Variants in SLAIN2 observed in about 807,000 individuals in gnomAD.
SLAIN2 encodes SLAIN family member 2.
SLAIN2 carries 31 observed loss-of-function variants against 56.6 expected under a neutral mutation model. The observed-to-expected ratio is 0.55, with a 90% confidence interval of 0.41 to 0.74. The LOEUF is 0.74. Among genes scored for constraint, SLAIN2 ranks in the 30% least tolerant of loss-of-function variants. The pLI is 0.00. For missense variants in SLAIN2, 777 were observed against 754.2 expected, an observed-to-expected ratio of 1.03 and a Z score of -0.35; for synonymous variants, 317 against 284.9, an observed-to-expected ratio of 1.11 and a Z score of -1.13.
In SLAIN2 at chr4:48,373,662, A is replaced by G. The variant is rs116361877; in HGVS notation, c.538+3665A>G. Among the ~76,000 whole-genome samples the G allele has an allele frequency of 3.1e-3, 476 of 152,264 alleles. 4 individuals are homozygous for G. Among genetic ancestry groups the G allele is most frequent in the African/African-American group, 0.011 (453 of 41,550 alleles). On this transcript the variant is annotated intron_variant, in intron 2 of 7. Coordinates refer to ENST00000264313, the MANE Select transcript of SLAIN2 (RefSeq NM_020846.2). ...ATATATATAATAAAGGAATAAAGGT[A>G]TAGTGCTTTGAGAAATAGGAATTTT...
Position 48,369,950 on chromosome 4 carries a change from A to G in SLAIN2, c.491A>G (p.Glu164Gly). 1 of 1,613,698 alleles carries G rather than the reference A, an allele frequency of 6.2e-7. No individual in the cohort carries two copies. The highest frequency in any genetic ancestry group is 8.5e-7 in the Non-Finnish European group (1 of 1,179,698). ...TTGGATTACCCAAGTCCTGATGTTG[A>G]GTGTGCTAAAAAATCTCTTATCCAC... ...QVLDYPSPDV[E>G]CAKKSLIHKL... The change falls in exon 2 of 8, where the codon GAG (glutamate) becomes GGG (glycine). Residue 164 changes from glutamate (E) to glycine (G), a missense_variant. By Grantham distance (98) the Glu-to-Gly change is moderately conservative. Coordinates refer to ENST00000264313, the MANE Select transcript of SLAIN2 (RefSeq NM_020846.2).
chr4:48,409,120 A>G (rs1052184451), intron 6 of SLAIN2, among the ~76,000 whole-genome samples: 5 of 152,136 alleles, frequency 3.3e-5, no homozygotes, highest in South Asian at 4.1e-4. Flanking sequence ...CAGGCAAGCA[A>G]TGTGAAATAA....
At position 48,382,735 on chromosome 4, in the gene SLAIN2, C is replaced by G; in HGVS notation, c.1030C>G (p.Pro344Ala). 3.7e-6 allele frequency: 6 copies of G among 1,613,732 alleles called. No homozygotes were observed. Among genetic ancestry groups the G allele is most frequent in the Non-Finnish European group, 5.1e-6 (6 of 1,179,850 alleles). The change falls in exon 5 of 8, where the codon CCA (proline) becomes GCA (alanine). Residue 344 changes from proline (P) to alanine (A), a missense_variant. Coordinates refer to ENST00000264313, the MANE Select transcript of SLAIN2 (RefSeq NM_020846.2). ...AVYPAVNRFS[P>A]SPRNSPRPSP... The stretch of plus-strand genomic sequence containing the variant: ...ATACCCTGCTGTTAACAGGTTTTCA[C>G]CATCACCACGCAATTCACCTCGACC...
rs182377063 is a variant in SLAIN2, at chr4:48,425,358, A to T, written c.*3281A>T. Reference sequence around the variant, plus strand: ...TAACTATGTATGGTATCTAGTTAGAAAAAAACAAGCAAAAAGCTATTATGA... The same window carrying T: ...TAACTATGTATGGTATCTAGTTAGATAAAAACAAGCAAAAAGCTATTATGA... On this transcript the variant is annotated 3_prime_UTR_variant, in exon 8 of 8. Coordinates refer to ENST00000264313, the MANE Select transcript of SLAIN2 (RefSeq NM_020846.2). The T allele has an allele frequency of 5.9e-5, 9 of 152,258 alleles. No homozygotes were observed. Among genetic ancestry groups the T allele is most frequent in the Middle Eastern group, 3.4e-3 (1 of 294 alleles). 9.4% of individuals were successfully genotyped at this position (152,258 alleles called of 1,614,324 possible).
intron 1 of SLAIN2, among the ~76,000 whole-genome samples, chr4:48,365,678 C>T (rs1311043239): frequency 6.6e-6 from 1 of 151,968 alleles, no homozygotes. Flanking sequence ...CTGCCTGCCT[C>T]AGTCTCCCGA....
chr4:48,357,465 T>A (rs1205828906), intron 1 of SLAIN2, among the ~76,000 whole-genome samples: 1 of 152,098 alleles, frequency 6.6e-6, no homozygotes, highest in Non-Finnish European at 1.5e-5. Flanking sequence ...CACTGCAGCC[T>A]TGAACTCCTG....
rs1036340352 is a variant in SLAIN2 at position 48,359,955 on chromosome 4, ACCAG to A, written c.390-9891_390-9888del. Among the ~76,000 whole-genome samples, 6 of 152,202 alleles carry A rather than the reference ACCAG, an allele frequency of 3.9e-5. 1 individual carries two copies. The highest frequency in any genetic ancestry group is 1.4e-4 in the African/African-American group (6 of 41,528). On this transcript the variant is annotated intron_variant, in intron 1 of 7. Coordinates refer to ENST00000264313, the MANE Select transcript of SLAIN2 (RefSeq NM_020846.2). ...TGGATCACGAGGTCAGGAGTTCGAG[ACCAG>A]CCTGACCAACGTGGTGAAACCCCGT... is the stretch of plus-strand genomic sequence containing the variant.
intron 6 of SLAIN2, among the ~76,000 whole-genome samples, chr4:48,411,726 T>C (rs1007178073): frequency 6.6e-6 from 1 of 152,192 alleles, no homozygotes; most frequent in Admixed American, 6.5e-5. Context: ...ACTCACTCAC[T>C]ATTGGAGTAT....
At chr4:48,407,634 T>G (rs1004446078) in intron 6 of SLAIN2, among the ~76,000 whole-genome samples, 1 of 152,220 alleles carries the variant, frequency 6.6e-6, no homozygotes, top group Non-Finnish European at 1.5e-5. Flanking sequence ...TTCTTAGCTC[T>G]CTCTCGTATT....
At chr4:48,348,223 G>A (rs1714921288) in intron 1 of SLAIN2, among the ~76,000 whole-genome samples, 1 of 152,104 alleles carries the variant, frequency 6.6e-6, no homozygotes, top group Admixed American at 6.5e-5. Context: ...TTTTTTAATA[G>A]AGCTGTTTTT....
intron 1 of SLAIN2, among the ~76,000 whole-genome samples, chr4:48,345,802 C>T (rs1027697205): frequency 2.0e-5 from 3 of 151,954 alleles, no homozygotes; most frequent in African/African-American, 4.8e-5. Context: ...GTAGGCATAT[C>T]TACTACGTCT....
intron 1 of SLAIN2, among the ~76,000 whole-genome samples, chr4:48,342,948 C>A (rs975928862): frequency 2.6e-5 from 4 of 151,866 alleles, no homozygotes; most frequent in African/African-American, 4.8e-5. Flanking sequence ...GAAATTGTGG[C>A]CCCCCCACCT....
chr4:48,361,944 A>G (rs1374423824), intron 1 of SLAIN2, among the ~76,000 whole-genome samples: 1 of 152,144 alleles, frequency 6.6e-6, no homozygotes, highest in Non-Finnish European at 1.5e-5. Context: ...TGAAATTGTT[A>G]TATCTATTTC....
chr4:48,397,926 T>G (rs2109774535), intron 6 of SLAIN2, among the ~76,000 whole-genome samples: 1 of 152,364 alleles, frequency 6.6e-6, no homozygotes, highest in Non-Finnish European at 1.5e-5. Context: ...TTGGGTTGAT[T>G]GCATGTCTTT....
In SLAIN2 at chr4:48,420,278, T is replaced by G. The variant is rs201653477; in HGVS notation, c.1514T>G (p.Met505Arg). The G allele has an allele frequency of 2.3e-5, 37 of 1,613,932 alleles. No individual in the cohort carries two copies. Among genetic ancestry groups the G allele is most frequent in the Non-Finnish European group, 3.1e-5 (37 of 1,179,872 alleles). ...ACCACCTCCTCACCTGGGCCTCCTATGGTTCAGAGCACAGTCTCAGCAAAT... is the reference window on the plus strand; with the variant it reads ...ACCACCTCCTCACCTGGGCCTCCTAGGGTTCAGAGCACAGTCTCAGCAAAT... ...TQTTSSPGPP[M>R]VQSTVSANPP... The change falls in exon 7 of 8, where the codon ATG (methionine) becomes AGG (arginine). Residue 505 changes from methionine to arginine, a missense_variant. Physicochemically the swap from Met to Arg is moderately conservative, Grantham distance 91 (BLOSUM62 -1). Transcript: ENST00000264313.
chr4:48,363,966 CA>C (rs1218920799), intron 1 of SLAIN2, among the ~76,000 whole-genome samples: 11 of 124,032 alleles, frequency 8.9e-5, no homozygotes, highest in South Asian at 3.0e-4. Flanking sequence ...GCTGGCCGGG[CA>C]GGGGGCTGAC....
intron 7 of SLAIN2, among the ~76,000 whole-genome samples, chr4:48,421,077 G>A (rs1365802230): frequency 2.6e-5 from 4 of 151,968 alleles, no homozygotes; most frequent in African/African-American, 9.7e-5. Flanking sequence ...GTGCGGTGGT[G>A]CAATCTTGGC....
chr4:48,368,051 C>CTTTTTTTTTTTTTTTTTTTTT lies in SLAIN2; in HGVS notation c.390-1785_390-1784insTTTTTTTTTTTTTTTTTTTTT, dbSNP rs36096623. Among the ~76,000 whole-genome samples, 168 of 88,794 alleles carry CTTTTTTTTTTTTTTTTTTTTT rather than the reference C, an allele frequency of 1.9e-3. 32 individuals carry two copies. Among genetic ancestry groups the CTTTTTTTTTTTTTTTTTTTTT allele is most frequent in the African/African-American group, 3.4e-3 (63 of 18,734 alleles). 58.3% of individuals were successfully genotyped at this position (88,794 alleles called of 152,430 possible). On this transcript the variant is annotated intron_variant, in intron 1 of 7. Coordinates refer to ENST00000264313, the MANE Select transcript of SLAIN2 (RefSeq NM_020846.2). ...TTCACTGAACGTAGTGTTTTTGAGG[C>CTTTTTTTTTTTTTTTTTTTTT]TTTTTTTTTTTTTGACAGTGTTGCT...
chr4:48,400,633 C>T (rs2109776649), intron 6 of SLAIN2, among the ~76,000 whole-genome samples: 1 of 152,084 alleles, frequency 6.6e-6, no homozygotes, highest in South Asian at 2.1e-4. Flanking sequence ...AACTCCTGTC[C>T]TCAAGTGATC....
Sources: gnomAD v4.1 joint callset for allele counts (sites outside exome capture counted in the v4.1 genomes callset) on GRCh38, gnomAD v4.1.1 for gene constraint, MANE v1.5 for transcripts, NCBI Gene and HGNC (gene_info 2026-07-23, HGNC 2026-07-21) for gene names.